Variants in DGKB observed in about 807,000 individuals in gnomAD.
DGKB encodes the protein 90 kDa diacylglycerol kinase.
DGKB carries 67 observed loss-of-function variants against 114.3 expected under a neutral mutation model. That is an observed-to-expected ratio of 0.59 (90% CI 0.48 to 0.72). DGKB has a LOEUF of 0.72. Ranked by LOEUF, DGKB falls within the 30% of genes least tolerant of loss-of-function variation. The pLI, the probability that DGKB is intolerant of heterozygous loss-of-function variation, is 0.00. For missense variants in DGKB, 907 were observed against 975.2 expected, an observed-to-expected ratio of 0.93 and a Z score of 0.93; for synonymous variants, 398 against 323.1, an observed-to-expected ratio of 1.23 and a Z score of -2.49.
chr7:14,196,390 G>A (rs1450389046), intron 23 of DGKB, among the ~76,000 whole-genome samples: 2 of 151,948 alleles, frequency 1.3e-5, no homozygotes, highest in African/African-American at 4.8e-5. Flanking sequence ...TATCTAATAA[G>A]CTAACTGTTA....
At position 14,236,357 on chromosome 7, in the gene DGKB, A is replaced by T. The variant is rs1022109311; in HGVS notation, c.2123-58206T>A. On this transcript the variant is annotated intron_variant, in intron 23 of 25. Coordinates refer to ENST00000402815, the MANE Select transcript of DGKB (RefSeq NM_001350709.2). ...CATTCCAATTAATAAAAAAAAAGCT[A>T]TTATTTCTGCCAAAAAAAAGGAAAA... Among the ~76,000 whole-genome samples, 6 of 111,874 alleles carry T rather than the reference A, an allele frequency of 5.4e-5. No individual in the cohort carries two copies. In the East Asian group the frequency reaches 6.4e-4, roughly 12 times the overall value. The allele number at this position is 111,874 out of a possible 152,430, so 73.4% of individuals were successfully genotyped here. A position where few individuals can be genotyped will look rare whatever the true frequency, so the allele number is the denominator to read the frequency against.
At chr7:14,543,099 T>C (rs1234741943) in intron 20 of DGKB, among the ~76,000 whole-genome samples, 3 of 152,194 alleles carry the variant, frequency 2.0e-5, no homozygotes, top group Non-Finnish European at 4.4e-5. Context: ...GTATACACAA[T>C]GATAAGCAAG....
chr7:14,727,236 T>C (rs1209250558), intron 5 of DGKB, among the ~76,000 whole-genome samples: 1 of 152,162 alleles, frequency 6.6e-6, no homozygotes, highest in Non-Finnish European at 1.5e-5. Flanking sequence ...GACCAAATTT[T>C]ACTTGGAATA....
chr7:14,413,258 C>G (rs79906973), intron 21 of DGKB, among the ~76,000 whole-genome samples: 8 of 152,088 alleles, frequency 5.3e-5, no homozygotes, highest in Non-Finnish European at 1.2e-4. Flanking sequence ...CAGAAACAGA[C>G]TGATGTTGAG....
At chr7:14,801,368 A>G (rs1021788710) in intron 2 of DGKB, among the ~76,000 whole-genome samples, 2 of 152,144 alleles carry the variant, frequency 1.3e-5, no homozygotes, top group Non-Finnish European at 2.9e-5. Flanking sequence ...CAAGGAGTGG[A>G]CATCTGATGG....
chr7:14,699,902 CAA>C (rs776720127), intron 7 of DGKB, among the ~76,000 whole-genome samples: 2 of 130,558 alleles, frequency 1.5e-5, no homozygotes, highest in Admixed American at 7.7e-5. Flanking sequence ...TGGGCAGAGA[CAA>C]AAAAAAAAAG....
chr7:14,906,447 C>CTTTTTTTTTTTTTTTTTTTTTT (rs34250901), upstream of DGKB, among the ~76,000 whole-genome samples: 4 of 103,882 alleles, frequency 3.9e-5, no homozygotes, highest in Non-Finnish European at 3.9e-5. Context: ...TTTTTTCTGT[C>CTTTTTTTTTTTTTTTTTTTTTT]TTTTTTTTTT....
At chr7:14,159,657 G>T (rs1455751829) in intron 25 of DGKB, among the ~76,000 whole-genome samples, 2 of 152,128 alleles carry the variant, frequency 1.3e-5, no homozygotes, top group African/African-American at 4.8e-5. Flanking sequence ...CTGAAAGAAT[G>T]AATAAATGAA....
chr7:14,729,514 T>C (rs1301269705), intron 5 of DGKB, among the ~76,000 whole-genome samples: 1 of 152,204 alleles, frequency 6.6e-6, no homozygotes, highest in Non-Finnish European at 1.5e-5. Context: ...AGTTCATACA[T>C]TGCCCTTTGA....
chr7:14,176,841 T>G lies in DGKB; in HGVS notation c.2302A>C (p.Thr768Pro). The G allele has an allele frequency of 6.2e-7, 1 of 1,613,954 alleles. No homozygotes were observed. Among genetic ancestry groups the G allele is most frequent in the Non-Finnish European group, 8.5e-7 (1 of 1,179,840 alleles). Residue 768 changes from threonine (T) to proline (P), a missense_variant and splice_region_variant, in exon 25 of 26, where the codon ACA becomes CCA. By Grantham distance (38) the Thr-to-Pro change is conservative. Coordinates refer to ENST00000402815, the MANE Select transcript of DGKB (RefSeq NM_001350709.2). Reference sequence around the variant, plus strand: ...CATATCAACTACTCTGTACTCACTGTGCATGGGGTCTGCATCCATGGCTCC... The same window carrying G: ...CATATCAACTACTCTGTACTCACTGGGCATGGGGTCTGCATCCATGGCTCC... ...DGEPWMQTPC[T>P]IKITHKNQAP...
At chr7:14,315,809 C>T (rs1806365541) in intron 23 of DGKB, among the ~76,000 whole-genome samples, 1 of 151,456 alleles carries the variant, frequency 6.6e-6, no homozygotes, top group Non-Finnish European at 1.5e-5. Context: ...GAAGTCTCCA[C>T]CCCAAATCAA....
chr7:14,947,699 T>C (rs1181705077), intron 1 of DGKB, among the ~76,000 whole-genome samples: 1 of 151,718 alleles, frequency 6.6e-6, no homozygotes, highest in African/African-American at 2.4e-5. Context: ...TATGTTCAAA[T>C]AGAAGTTGGG....
intron 1 of DGKB, among the ~76,000 whole-genome samples, chr7:14,846,833 G>A (rs1382130566): frequency 1.3e-5 from 2 of 152,170 alleles, no homozygotes; most frequent in South Asian, 2.1e-4. Flanking sequence ...ATAATTAGGC[G>A]AGAAATCAAC....
intron 2 of DGKB, among the ~76,000 whole-genome samples, chr7:14,816,152 G>A (rs1305145910): frequency 6.6e-6 from 1 of 152,032 alleles, no homozygotes; most frequent in Admixed American, 6.6e-5. Flanking sequence ...CTAACATGGT[G>A]AAATCCCGTC....
intron 23 of DGKB, among the ~76,000 whole-genome samples, chr7:14,223,517 CAAAG>C (rs1790317402): frequency 6.6e-6 from 1 of 151,520 alleles, no homozygotes; most frequent in African/African-American, 2.4e-5. Context: ...TACTGAAGCT[CAAAG>C]AATAATATAT....
At chr7:14,774,450 A>C (rs1266242985) in intron 2 of DGKB, among the ~76,000 whole-genome samples, 1 of 152,164 alleles carries the variant, frequency 6.6e-6, no homozygotes, top group Admixed American at 6.5e-5. Flanking sequence ...AATGTCAAAA[A>C]TCTTAGGTCT....
At chr7:14,705,981 T>C (rs1826151202) in intron 6 of DGKB, among the ~76,000 whole-genome samples, 1 of 151,784 alleles carries the variant, frequency 6.6e-6, no homozygotes, top group Non-Finnish European at 1.5e-5. Context: ...ACTTTAAATG[T>C]AAACGGACTA....
intron 13 of DGKB, among the ~76,000 whole-genome samples, chr7:14,660,755 G>A (rs182672530): frequency 2.2e-4 from 33 of 151,734 alleles, no homozygotes; most frequent in African/African-American, 6.0e-4. Flanking sequence ...AGTCAATCCT[G>A]AGCCAAAAGA....
intron 21 of DGKB, among the ~76,000 whole-genome samples, chr7:14,367,936 G>A (rs536607097): frequency 2.6e-5 from 4 of 152,200 alleles, no homozygotes; most frequent in Middle Eastern, 3.4e-3. Context: ...CTTGATACGT[G>A]GGGATTATGG....
Sources: gnomAD v4.1 joint callset for allele counts (sites outside exome capture counted in the v4.1 genomes callset) on GRCh38, gnomAD v4.1.1 for gene constraint, MANE v1.5 for transcripts, NCBI Gene and HGNC (gene_info 2026-07-23, HGNC 2026-07-21) for gene names.